The following DDX39B variants were observed in gnomAD, a reference collection of about 807,000 sequenced individuals.
DDX39B encodes spliceosome RNA helicase DDX39B.
In DDX39B, 6 loss-of-function variants were observed where a neutral mutation model predicts 46.4. The observed-to-expected ratio is 0.13, with a 90% CI of 0.07 to 0.26. The LOEUF (loss-of-function observed/expected upper bound fraction) is 0.26. Among genes scored for constraint, DDX39B ranks in the 10% least tolerant of loss-of-function variants. DDX39B has a pLI of 1.00. For synonymous variants in DDX39B, 174 were observed against 199.4 expected, an observed-to-expected ratio of 0.87 and a Z score of 1.07; for missense variants, 185 against 553.4, an observed-to-expected ratio of 0.33 and a Z score of 6.68.
chr6:31,530,506 A>G lies in DDX39B; in HGVS notation c.1271-56T>C. On this transcript the variant is annotated intron_variant, in intron 10 of 10. Transcript: ENST00000396172. This position sits in a 1 kb window ranked among gnomAD's most constrained non-coding sequence, Gnocchi z 4.5. ...AGGCATGAAAAGGGGAAAGTGAGGC[A>G]GGAACACACGGCACACATGCAGACA... 1 of 1,610,644 alleles carries G rather than the reference A, an allele frequency of 6.2e-7. No homozygotes were observed. Among genetic ancestry groups the G allele is most frequent in the Non-Finnish European group, 8.5e-7 (1 of 1,178,122 alleles).
Position 31,539,287 on chromosome 6 carries a change from G to A in DDX39B, c.212-13C>T. 2 of 1,606,990 alleles carry A rather than the reference G, an allele frequency of 1.2e-6. No individual in the cohort carries two copies. The highest frequency in any genetic ancestry group is 1.7e-6 in the Non-Finnish European group (2 of 1,175,008). On this transcript the variant is annotated splice_polypyrimidine_tract_variant and intron_variant, in intron 2 of 10. Coordinates refer to ENST00000396172, the MANE Select transcript of DDX39B (RefSeq NM_004640.7). ...CACTCATGCTGGACTAAAAGTTGGG[G>A]GGGGAGGAAGATAAATTAGACTTCA...
intron 2 of DDX39B, 125 bp from the exon 3 acceptor site, chr6:31,539,399 C>T: frequency 7.2e-7 from 1 of 1,395,554 alleles, no homozygotes; most frequent in Non-Finnish European, 9.6e-7. Flanking sequence ...CTGGTTCTTG[C>T]CAACTTCCAG....
intron 2 of DDX39B, among the ~76,000 whole-genome samples, chr6:31,539,677 C>T (rs1292294046): frequency 6.6e-6 from 1 of 152,164 alleles, no homozygotes; most frequent in African/African-American, 2.4e-5. Flanking sequence ...CAACCCTGGA[C>T]AAAATGAAGG....
At chr6:31,536,832 GT>G (rs1433031241) in intron 4 of DDX39B, 149 bp from the exon 5 acceptor site, 4 of 951,526 alleles carry the variant, frequency 4.2e-6, no homozygotes, top group Non-Finnish European at 6.1e-6. Context: ...AAAATTTTAT[GT>G]CCCCCCCACC....
At chr6:31,537,028 G>A (rs115225594) in intron 4 of DDX39B, among the ~76,000 whole-genome samples, 6,042 of 152,254 alleles carry the variant, frequency 0.04, 234 homozygotes, top group African/African-American at 0.036. Flanking sequence ...GCTGAGGCAC[G>A]AGAACCTGGG....
intron 1 of DDX39B, chr6:31,541,351 G>C: frequency 5.3e-6 from 2 of 380,518 alleles, no homozygotes; most frequent in South Asian, 4.0e-5. Flanking sequence ...GCTAATAGGT[G>C]ACAGAGAAAG....
chr6:31,539,055 T>G (rs1287025689), intron 3 of DDX39B, 92 bp downstream of exon 3: 8 of 1,606,746 alleles, frequency 5.0e-6, no homozygotes, highest in Non-Finnish European at 6.8e-6. Context: ...CATGTGCTCA[T>G]GGCTCTGCAA....
At position 31,541,812 on chromosome 6, in the gene DDX39B, C is replaced by G. The variant is rs1230792038; in HGVS notation, c.-133+138G>C. ...GAGCTCTTTGCTCTCGAAAGGGATG[C>G]AAGCTAAGGAAATAGCGAACCAACT... On this transcript the variant is annotated intron_variant, in intron 1 of 10. Transcript: ENST00000396172. 7.6e-6 allele frequency: 5 copies of G among 660,360 alleles called. No homozygotes were observed. In the East Asian group the frequency reaches 1.4e-4, roughly 18 times the overall value. 40.9% of individuals were successfully genotyped at this position (660,360 alleles called of 1,614,324 possible).
rs1379487017 is a variant in DDX39B at position 31,530,968 on chromosome 6, A to G, written c.1123-42T>C. The stretch of plus-strand genomic sequence containing the variant: ...GGTAGCACTGGAAGACCGAAGAGGA[A>G]AGAGACCCAGAGGCAGGAATGAAGA... On this transcript the variant is annotated intron_variant, in intron 9 of 10. Coordinates refer to ENST00000396172, the MANE Select transcript of DDX39B (RefSeq NM_004640.7). This position sits in a 1 kb window ranked among gnomAD's most constrained non-coding sequence, Gnocchi z 4.5. The G allele has an allele frequency of 2.5e-6, 4 of 1,613,652 alleles. No individual in the cohort carries two copies. Among genetic ancestry groups the G allele is most frequent in the East Asian group, 2.2e-5 (1 of 44,880 alleles).
At position 31,534,513 on chromosome 6, in the gene DDX39B, T is replaced by C; in HGVS notation, c.735+854A>G. The stretch of plus-strand genomic sequence containing the variant: ...TTCCTATGTCCCTCTCCTCTGAGTA[T>C]TAAAAAAAACAAAAAAATTTTTTTA... On this transcript the variant is annotated intron_variant, in intron 6 of 10. Coordinates refer to ENST00000396172, the MANE Select transcript of DDX39B (RefSeq NM_004640.7). The surrounding 1 kb of genome is among the most constrained non-coding windows in gnomAD (Gnocchi z 5.1). 2.1e-6 allele frequency: 1 copy of C among 470,142 alleles called. No homozygotes were observed. 29.1% of individuals were successfully genotyped at this position (470,142 alleles called of 1,614,324 possible). A position where few individuals can be genotyped will look rare whatever the true frequency, so the allele number is the denominator to read the frequency against.
rs377296066 is a variant in DDX39B at position 31,540,309 on chromosome 6, A to G, written c.211+13T>C. 1.9e-6 allele frequency: 3 copies of G among 1,613,604 alleles called. No individual in the cohort carries two copies. Among genetic ancestry groups the G allele is most frequent in the Admixed American group, 1.7e-5 (1 of 60,030 alleles). On this transcript the variant is annotated intron_variant, in intron 2 of 10. Coordinates refer to ENST00000396172, the MANE Select transcript of DDX39B (RefSeq NM_004640.7). ...GAGCCCAATGAGCACTACATGCCCA[A>G]GAGAAAATTTACCTTCTGACGGATG...
At chr6:31,533,731 G>A (rs1039718984) in intron 6 of DDX39B, 4 of 152,106 alleles carry the variant, frequency 2.6e-5, no homozygotes, top group African/African-American at 9.7e-5. Context: ...CAAATTCCTG[G>A]GCTCAAGTGA....
chr6:31,537,607 T>C (rs1057484553), intron 4 of DDX39B, among the ~76,000 whole-genome samples: 2 of 152,130 alleles, frequency 1.3e-5, no homozygotes, highest in African/African-American at 4.8e-5. Context: ...TTAAAACCAT[T>C]AGGTGAATAG....
chr6:31,530,550 T>C lies in DDX39B; in HGVS notation c.1271-100A>G. On this transcript the variant is annotated intron_variant, in intron 10 of 10. Transcript: ENST00000396172. This position sits in a 1 kb window ranked among gnomAD's most constrained non-coding sequence, Gnocchi z 4.5. ...GCAGACACTGGTGTACTGCCTGGGTTCAGAGGACGGACGTGGGGGTGAGGG... is the reference window on the plus strand; with the variant it reads ...GCAGACACTGGTGTACTGCCTGGGTCCAGAGGACGGACGTGGGGGTGAGGG... 1 of 1,539,292 alleles carries C rather than the reference T, an allele frequency of 6.5e-7. No homozygotes were observed. Among genetic ancestry groups the C allele is most frequent in the South Asian group, 1.1e-5 (1 of 88,298 alleles).
chr6:31,537,999 C>T (rs1767975917), intron 4 of DDX39B, among the ~76,000 whole-genome samples: 2 of 152,048 alleles, frequency 1.3e-5, no homozygotes, highest in African/African-American at 2.4e-5. Flanking sequence ...CGCGCCACTA[C>T]ACTCACAGCC....
intron 4 of DDX39B, among the ~76,000 whole-genome samples, chr6:31,537,948 T>C (rs1044920642): frequency 6.6e-6 from 1 of 151,680 alleles, no homozygotes; most frequent in African/African-American, 2.4e-5. Context: ...GGCGGGAGAA[T>C]CGCTTGAACG....
rs1767079409 is a variant in DDX39B at position 31,530,852 on chromosome 6, G to A, written c.1197C>T (p.Ile399=). The change falls in exon 10 of 11, where the codon ATC becomes ATT. Residue 399 remains isoleucine, a synonymous_variant. Transcript: ENST00000396172. The surrounding 1 kb of genome is among the most constrained non-coding windows in gnomAD (Gnocchi z 4.5). The stretch of plus-strand genomic sequence containing the variant: ...CAAAGCGATCCTGCACATCATTGAG[G>A]ATCTTGGCATCATTCTCATCGGACA... ...TFVSDENDAK[I]LNDVQDRFEV... is the part of the protein sequence containing the mutation. 1 of 1,613,892 alleles carries A rather than the reference G, an allele frequency of 6.2e-7. No individual in the cohort carries two copies. Among genetic ancestry groups the A allele is most frequent in the Non-Finnish European group, 8.5e-7 (1 of 1,180,054 alleles).
At position 31,532,926 on chromosome 6, in the gene DDX39B, G is replaced by T; in HGVS notation, c.736-15C>A. 2.4e-6 allele frequency: 3 copies of T among 1,260,160 alleles called. No homozygotes were observed. Among genetic ancestry groups the T allele is most frequent in the Non-Finnish European group, 2.2e-6 (2 of 921,888 alleles). The allele number at this position is 1,260,160 out of a possible 1,614,324, so 78.1% of individuals were successfully genotyped here. ...ATCTCCATTGGCTGGGGGGGAGGAA[G>T]GGGGTGGGGAACGGGAGGAGGGCAG... On this transcript the variant is annotated splice_polypyrimidine_tract_variant and intron_variant, in intron 6 of 10. Transcript: ENST00000396172.
chr6:31,533,155 G>A, intron 6 of DDX39B: 1 of 415,192 alleles, frequency 2.4e-6, no homozygotes, highest in South Asian at 2.3e-5. Flanking sequence ...TCATGGGAAA[G>A]AAACTGCAAA....
Sources: gnomAD v4.1 joint callset for allele counts (sites outside exome capture counted in the v4.1 genomes callset) on GRCh38, gnomAD v4.1.1 for gene constraint, Gnocchi (gnomAD v3.1) non-coding constraint, MANE v1.5 for transcripts, NCBI Gene and HGNC (gene_info 2026-07-23, HGNC 2026-07-21) for gene names.